Variants in COA1 observed in about 807,000 individuals in gnomAD.
COA1 encodes the protein cytochrome c oxidase assembly factor 1 homolog.
In COA1, 13 loss-of-function variants were observed where a neutral mutation model predicts 16.0. The observed-to-expected ratio is 0.81, with a 90% confidence interval of 0.53 to 1.29. COA1 has a LOEUF of 1.29. Among genes scored for constraint, COA1 ranks in the 50% most tolerant of loss-of-function variants. COA1 has a pLI of 0.00. For missense variants in COA1, 179 were observed against 177.0 expected (o/e 1.01, Z -0.06); for synonymous variants, 65 against 65.7 (o/e 0.99, Z 0.05).
chr7:43,693,549 C>T (rs2094440146), intron 1 of COA1, among the ~76,000 whole-genome samples: 2 of 152,092 alleles, frequency 1.3e-5, no homozygotes, highest in South Asian at 4.1e-4. Flanking sequence ...CTCCTGCCAT[C>T]CCTTATCTTT....
At chr7:43,725,573 T>C (rs1384534269) in intron 1 of COA1, among the ~76,000 whole-genome samples, 3 of 152,142 alleles carry the variant, frequency 2.0e-5, no homozygotes, top group Non-Finnish European at 4.4e-5. Flanking sequence ...ATACTTTTAC[T>C]ACTGGCTGGG....
chr7:43,647,676 T>G, intron 2 of COA1, 42 bp from the exon 3 acceptor site: 1 of 1,526,084 alleles, frequency 6.6e-7, no homozygotes, highest in Non-Finnish European at 9.1e-7. Flanking sequence ...GATTCCCAGT[T>G]TTGTGCCAAG....
intron 1 of COA1, chr7:43,649,336 C>A (rs2090280728): frequency 6.6e-6 from 1 of 152,246 alleles, no homozygotes; most frequent in African/African-American, 2.4e-5. Flanking sequence ...GCTCCAGCAT[C>A]TGCTCTTTCA....
intron 4 of COA1, chr7:43,641,780 G>A (rs2087189722): frequency 6.6e-6 from 1 of 152,176 alleles, no homozygotes; most frequent in Non-Finnish European, 1.5e-5. Context: ...CAGCCTGAGA[G>A]CCCGTAAGCA....
At chr7:43,687,931 A>T (rs2094114937) in intron 1 of COA1, among the ~76,000 whole-genome samples, 1 of 152,122 alleles carries the variant, frequency 6.6e-6, no homozygotes, top group Admixed American at 6.5e-5. Flanking sequence ...ACCCAGAGGG[A>T]GGTAACTGAA....
At chr7:43,619,564 TATTG>T in intron 6 of COA1, 1 of 1,606,854 alleles carries the variant, frequency 6.2e-7, no homozygotes. Context: ...ATCATAGTTA[TATTG>T]ATTTTTGCGG....
intron 1 of COA1, among the ~76,000 whole-genome samples, chr7:43,656,820 A>AAAAAGAAAAG (rs141367829): frequency 0.088 from 13,313 of 151,780 alleles, 747 homozygotes; most frequent in Admixed American, 0.17. Context: ...GCAAATATTA[A>AAAAAGAAAAG]AAAAGAAAAG....
At chr7:43,685,700 G>A (rs1251576111) in intron 1 of COA1, among the ~76,000 whole-genome samples, 1 of 152,076 alleles carries the variant, frequency 6.6e-6, no homozygotes, top group African/African-American at 2.4e-5. Flanking sequence ...TCAGAGTCCT[G>A]GAACAAACCC....
At position 43,663,861 on chromosome 7, in the gene COA1, A is replaced by G. The variant is rs138451265; in HGVS notation, c.-38-15209T>C. Among the ~76,000 whole-genome samples the G allele has an allele frequency of 1.5e-4, 23 of 152,130 alleles. No individual in the cohort carries two copies. The East Asian group carries it at 4.2e-3, about 28-fold the overall frequency. On this transcript the variant is annotated intron_variant, in intron 1 of 5. Coordinates refer to ENST00000223336, the MANE Select transcript of COA1 (RefSeq NM_018224.4). ...GCACAGTGGCCACACCTGTAATCCC[A>G]ACACTTTGGGCGGCCAAGGCAGGCA...
chr7:43,654,749 A>G (rs1330424158), intron 1 of COA1, among the ~76,000 whole-genome samples: 1 of 152,210 alleles, frequency 6.6e-6, no homozygotes. Flanking sequence ...ATACTAAAAG[A>G]AAACTTGAAA....
downstream of COA1, among the ~76,000 whole-genome samples, chr7:43,636,177 A>G (rs1283078529): frequency 2.0e-5 from 3 of 152,196 alleles, no homozygotes; most frequent in Admixed American, 1.3e-4. Flanking sequence ...GGATTATAAC[A>G]TGGGCGCAGT....
chr7:43,671,814 GGT>G (rs1327472388), intron 1 of COA1, among the ~76,000 whole-genome samples: 1 of 152,026 alleles, frequency 6.6e-6, no homozygotes, highest in Non-Finnish European at 1.5e-5. Flanking sequence ...CATGAGATCT[GGT>G]GGTTTTATAA....
chr7:43,660,923 C>T (rs1325071938), intron 1 of COA1, among the ~76,000 whole-genome samples: 3 of 152,184 alleles, frequency 2.0e-5, no homozygotes, highest in African/African-American at 7.2e-5. Flanking sequence ...TTGCATTACA[C>T]GGTCTTACTG....
chr7:43,625,038 A>G, intron 6 of COA1: 1 of 434,654 alleles, frequency 2.3e-6, no homozygotes. Flanking sequence ...TTTAACAGGT[A>G]CAGTTACCCG....
At chr7:43,698,045 G>A (rs2094584470) in intron 1 of COA1, among the ~76,000 whole-genome samples, 1 of 152,154 alleles carries the variant, frequency 6.6e-6, no homozygotes, top group South Asian at 2.1e-4. Flanking sequence ...AAACCAGAAA[G>A]CGCCTATGTT....
intron 4 of COA1, among the ~76,000 whole-genome samples, chr7:43,642,828 T>C (rs1489318506): frequency 6.6e-6 from 1 of 152,024 alleles, no homozygotes; most frequent in African/African-American, 2.4e-5. Flanking sequence ...TGTATGACAA[T>C]TACTTCATGA....
At chr7:43,633,649 G>C (rs562199960) in intron 6 of COA1, among the ~76,000 whole-genome samples, 1 of 152,160 alleles carries the variant, frequency 6.6e-6, no homozygotes, top group Admixed American at 6.5e-5. Flanking sequence ...TGTTGAAAAA[G>C]TGGCACCAAA....
intron 1 of COA1, among the ~76,000 whole-genome samples, chr7:43,700,830 G>A (rs968189074): frequency 1.1e-4 from 16 of 152,100 alleles, no homozygotes; most frequent in African/African-American, 3.6e-4. Context: ...CTGTAAAGAA[G>A]TAGGTACATC....
At chr7:43,710,375 A>AATATATATATATATATATATATAT (rs1554558920) in intron 1 of COA1, among the ~76,000 whole-genome samples, 1 of 36,434 alleles carries the variant, frequency 2.7e-5, no homozygotes, top group Non-Finnish European at 4.7e-5. Context: ...AAAAAAAAAA[A>AATATATATATATATATATATATAT]ATATATATAT....
Sources: gnomAD v4.1 joint callset for allele counts (sites outside exome capture counted in the v4.1 genomes callset) on GRCh38, gnomAD v4.1.1 for gene constraint, MANE v1.5 for transcripts, NCBI Gene and HGNC (gene_info 2026-07-23, HGNC 2026-07-21) for gene names.